SH3PXD2B: variants seen among roughly 807,000 people sequenced by gnomAD.
The protein encoded by SH3PXD2B is SH3 and PX domain-containing protein 2B.
Under a neutral mutation model 73.1 loss-of-function variants are expected in SH3PXD2B, and 37 were observed. The ratio of observed to expected loss-of-function variants is 0.51; its 90% CI spans 0.39 to 0.67. The LOEUF (loss-of-function observed/expected upper bound fraction) is 0.67, where lower values mean the gene tolerates loss of function less well. Ranked by LOEUF, SH3PXD2B falls within the 30% of genes least tolerant of loss-of-function variation. The pLI, the probability that SH3PXD2B is intolerant of heterozygous loss-of-function variation, is 0.00. For synonymous variants in SH3PXD2B, 457 were observed against 480.5 expected (o/e 0.95, Z 0.64); for missense variants, 1,053 against 1,197.8 (o/e 0.88, Z 1.78).
At position 172,337,066 on chromosome 5, in the gene SH3PXD2B, G is replaced by A. The variant is rs1466680376; in HGVS notation, c.*1303C>T. 3 of 982,818 alleles carry A rather than the reference G, an allele frequency of 3.1e-6. No homozygotes were observed. Among genetic ancestry groups the A allele is most frequent in the Admixed American group, 6.3e-5 (1 of 15,922 alleles). The allele number at this position is 982,818 out of a possible 1,614,324, so 60.9% of individuals were successfully genotyped here. Reference sequence around the variant, plus strand: ...CACCTCAGCTCCCGTTGCTCCATAAGCTCTATTCCCCAGGGGGCAACAGCT... The same window carrying A: ...CACCTCAGCTCCCGTTGCTCCATAAACTCTATTCCCCAGGGGGCAACAGCT... On this transcript the variant is annotated 3_prime_UTR_variant, in exon 13 of 13. Coordinates refer to ENST00000311601, the MANE Select transcript of SH3PXD2B (RefSeq NM_001017995.3).
At position 172,335,790 on chromosome 5, in the gene SH3PXD2B, G is replaced by T. The variant is rs1561888021; in HGVS notation, c.*2579C>A. 1 of 1,230,194 alleles carries T rather than the reference G, an allele frequency of 8.1e-7. No individual in the cohort carries two copies. The highest frequency in any genetic ancestry group is 3.2e-5 in the East Asian group (1 of 31,624). 76.2% of individuals were successfully genotyped at this position (1,230,194 alleles called of 1,614,324 possible). On this transcript the variant is annotated 3_prime_UTR_variant, in exon 13 of 13. Transcript: ENST00000311601. The stretch of plus-strand genomic sequence containing the variant: ...GGCCACCCTGACCCACCCACTGCCT[G>T]GGGAAGTGTCTACCATTGTAGGAAA...
At chr5:172,390,336 T>C (rs1367680033) in intron 4 of SH3PXD2B, among the ~76,000 whole-genome samples, 1 of 152,242 alleles carries the variant, frequency 6.6e-6, no homozygotes, top group Non-Finnish European at 1.5e-5. Flanking sequence ...TCACTTAGCA[T>C]TATGCTTTGG....
chr5:172,444,876 G>A (rs1381166442), intron 1 of SH3PXD2B, among the ~76,000 whole-genome samples: 1 of 152,126 alleles, frequency 6.6e-6, no homozygotes, highest in Non-Finnish European at 1.5e-5. Context: ...CTGGAGCTAT[G>A]GCCTTCCTGG....
intron 8 of SH3PXD2B, among the ~76,000 whole-genome samples, chr5:172,358,496 C>A (rs1757329393): frequency 6.6e-6 from 1 of 152,192 alleles, no homozygotes; most frequent in South Asian, 2.1e-4. Context: ...GGCGATCAGG[C>A]TGGGGCCCTC....
intron 2 of SH3PXD2B, 72 bp from the exon 3 acceptor site, chr5:172,406,424 G>T (rs1758560437): frequency 5.3e-6 from 8 of 1,497,826 alleles, no homozygotes; most frequent in Non-Finnish European, 6.5e-6. Context: ...ACATTTTAAA[G>T]AAATTATGTG....
intron 4 of SH3PXD2B, among the ~76,000 whole-genome samples, chr5:172,390,935 G>A (rs989280756): frequency 3.3e-5 from 5 of 151,824 alleles, no homozygotes; most frequent in Non-Finnish European, 5.9e-5. Flanking sequence ...TCCACTTCCC[G>A]GGTTCAAGCG....
At chr5:172,405,532 G>C (rs911337322) in intron 3 of SH3PXD2B, among the ~76,000 whole-genome samples, 1 of 152,246 alleles carries the variant, frequency 6.6e-6, no homozygotes, top group Non-Finnish European at 1.5e-5. Context: ...TAGAGGATGA[G>C]AGGGTGGCAG....
intron 4 of SH3PXD2B, among the ~76,000 whole-genome samples, chr5:172,390,456 C>T (rs186440485): frequency 6.6e-6 from 1 of 152,346 alleles, no homozygotes. Context: ...ACTATCAAGG[C>T]TCATGGCAGC....
chr5:172,432,972 G>A (rs1444683884), intron 1 of SH3PXD2B, among the ~76,000 whole-genome samples: 1 of 150,814 alleles, frequency 6.6e-6, no homozygotes, highest in Non-Finnish European at 1.5e-5. Flanking sequence ...AAATGTATGT[G>A]CGTTTGTGTG....
At chr5:172,355,282 C>T (rs1757245268) in intron 8 of SH3PXD2B, among the ~76,000 whole-genome samples, 1 of 152,238 alleles carries the variant, frequency 6.6e-6, no homozygotes, top group South Asian at 2.1e-4. Flanking sequence ...TGCTGACCTG[C>T]TCGGCGGGGG....
intron 3 of SH3PXD2B, among the ~76,000 whole-genome samples, chr5:172,395,338 A>G (rs1371814157): frequency 6.6e-6 from 1 of 152,214 alleles, no homozygotes; most frequent in Non-Finnish European, 1.5e-5. Context: ...TCCACCTGCA[A>G]AGAGGACAGA....
intron 1 of SH3PXD2B, among the ~76,000 whole-genome samples, chr5:172,425,376 G>A (rs1021023811): frequency 3.9e-5 from 6 of 152,116 alleles, no homozygotes; most frequent in African/African-American, 1.4e-4. Context: ...GCAGGACCCC[G>A]AAGTCTGCAT....
At chr5:172,385,484 G>A (rs911819869) in intron 4 of SH3PXD2B, among the ~76,000 whole-genome samples, 10 of 152,230 alleles carry the variant, frequency 6.6e-5, no homozygotes, top group East Asian at 5.8e-4. Flanking sequence ...ACAAAAGGCG[G>A]CAGGGTGGCA....
intron 12 of SH3PXD2B, among the ~76,000 whole-genome samples, chr5:172,344,913 G>A (rs929112229): frequency 6.6e-5 from 10 of 151,740 alleles, no homozygotes; most frequent in African/African-American, 2.2e-4. Context: ...TAAGGGAAAA[G>A]GAAGGAGGAG....
At chr5:172,409,270 T>C (rs1336058468) in intron 2 of SH3PXD2B, among the ~76,000 whole-genome samples, 1 of 152,004 alleles carries the variant, frequency 6.6e-6, no homozygotes, top group South Asian at 2.1e-4. Flanking sequence ...TAATCCCAGC[T>C]ACTAGGGAGA....
At chr5:172,385,266 T>A (rs1052121174) in intron 4 of SH3PXD2B, among the ~76,000 whole-genome samples, 46 of 152,264 alleles carry the variant, frequency 3.0e-4, no homozygotes, top group Non-Finnish European at 6.5e-4. Context: ...TGTGCAAATA[T>A]CTTGTGGCTT....
chr5:172,406,315 T>C lies in SH3PXD2B; in HGVS notation c.194A>G (p.Gln65Arg), dbSNP rs1294600900. ...GATGATCCGCTGCTTGGGGTCCTTC[T>C]GTCCTCCTTCCATGGGAAATTTGTC... is the stretch of plus-strand genomic sequence containing the variant. ...MLDKFPMEGG[Q>R]KDPKQRIIPF... Residue 65 changes from glutamine to arginine, a missense_variant, in exon 3 of 13, where the codon CAG becomes CGG. Gln to Arg is a conservative substitution (Grantham distance 43). Coordinates refer to ENST00000311601, the MANE Select transcript of SH3PXD2B (RefSeq NM_001017995.3). The C allele has an allele frequency of 6.2e-7, 1 of 1,614,138 alleles. No homozygotes were observed. Among genetic ancestry groups the C allele is most frequent in the Non-Finnish European group, 8.5e-7 (1 of 1,180,012 alleles).
chr5:172,351,741 ATTAAT>A (rs1362718984), intron 9 of SH3PXD2B, among the ~76,000 whole-genome samples: 1 of 152,062 alleles, frequency 6.6e-6, no homozygotes, highest in Non-Finnish European at 1.5e-5. Flanking sequence ...CTTGTCAAGA[ATTAAT>A]TTAAGAACTA....
rs576957125 is a variant in SH3PXD2B at position 172,335,321 on chromosome 5, G to A, written c.*3048C>T. The A allele has an allele frequency of 1.3e-5, 15 of 1,185,620 alleles. No individual in the cohort carries two copies. In the South Asian group the frequency reaches 3.5e-4, roughly 27 times the overall value. 73.4% of individuals were successfully genotyped at this position (1,185,620 alleles called of 1,614,324 possible). On this transcript the variant is annotated 3_prime_UTR_variant, in exon 13 of 13. Coordinates refer to ENST00000311601, the MANE Select transcript of SH3PXD2B (RefSeq NM_001017995.3). ...GAAATGTGTGAGCAAGGGGCGGGGGGAAGAGGCACCGAAATTCAGAGGGAG... is the reference window on the plus strand; with the variant it reads ...GAAATGTGTGAGCAAGGGGCGGGGGAAAGAGGCACCGAAATTCAGAGGGAG...
Sources: gnomAD v4.1 joint callset for allele counts (sites outside exome capture counted in the v4.1 genomes callset) on GRCh38, gnomAD v4.1.1 for gene constraint, MANE v1.5 for transcripts, NCBI Gene and HGNC (gene_info 2026-07-23, HGNC 2026-07-21) for gene names.